Variants in ACTL6A observed in about 807,000 individuals in gnomAD.
The protein encoded by ACTL6A is actin like 6A.
In ACTL6A, 5 loss-of-function variants were observed where a neutral mutation model predicts 59.2. The observed-to-expected ratio is 0.08, with a 90% CI of 0.04 to 0.18. The LOEUF (loss-of-function observed/expected upper bound fraction) is 0.18. ACTL6A is among the 10% of genes least tolerant of loss of function. The pLI is 1.00. For missense variants in ACTL6A, 285 were observed against 526.9 expected (o/e 0.54, Z 4.49); for synonymous variants, 154 against 171.8 (o/e 0.90, Z 0.81).
At position 179,563,498 on chromosome 3, in the gene ACTL6A, T is replaced by G. The variant is rs1322495683; in HGVS notation, c.25+381T>G. Among the ~76,000 whole-genome samples the G allele has an allele frequency of 3.9e-5, 6 of 152,328 alleles. No homozygotes were observed. The East Asian group carries it at 1.2e-3, about 29-fold the overall frequency. ...TCCCCGAGTGCCTCCTGGACTCAGCTGTGTCGGGACGCGTGTGCGCCCGCC... is the reference window on the plus strand; with the variant it reads ...TCCCCGAGTGCCTCCTGGACTCAGCGGTGTCGGGACGCGTGTGCGCCCGCC... On this transcript the variant is annotated intron_variant, in intron 1 of 13. Coordinates refer to ENST00000429709, the MANE Select transcript of ACTL6A (RefSeq NM_004301.5).
chr3:179,572,983 T>TTC (rs1718057126), intron 3 of ACTL6A, among the ~76,000 whole-genome samples: 1 of 48,040 alleles, frequency 2.1e-5, no homozygotes, highest in Non-Finnish European at 7.4e-5. Flanking sequence ...CAATTCTTTC[T>TTC]TTTTTTTTTT....
At chr3:179,586,467 GA>G (rs1169987638) in intron 12 of ACTL6A, 78 bp from the exon 13 acceptor site, 22,481 of 745,508 alleles carry the variant, frequency 0.03, 3 homozygotes, top group Non-Finnish European at 0.035. Flanking sequence ...GTCTCTATTT[GA>G]AAAAAAAAAA....
In ACTL6A at chr3:179,570,060, C is replaced by T. The variant is rs1298268478; in HGVS notation, c.103-7C>T. The T allele has an allele frequency of 2.5e-6, 4 of 1,612,346 alleles. No homozygotes were observed. In the Admixed American group the frequency reaches 5.0e-5, roughly 20 times the overall value. ...AAACTTGTATGTCATGTTTCTGACTCTTACAGGTGGATTTTCCTACAGCTA... is the reference window on the plus strand; with the variant it reads ...AAACTTGTATGTCATGTTTCTGACTTTTACAGGTGGATTTTCCTACAGCTA... On this transcript the variant is annotated splice_region_variant and splice_polypyrimidine_tract_variant and intron_variant, in intron 2 of 13. Transcript: ENST00000429709. This position sits in a 1 kb window ranked among gnomAD's most constrained non-coding sequence, Gnocchi z 4.3.
At chr3:179,585,982 G>A (rs1718477037) in intron 12 of ACTL6A, among the ~76,000 whole-genome samples, 1 of 152,202 alleles carries the variant, frequency 6.6e-6, no homozygotes, top group Non-Finnish European at 1.5e-5. Context: ...TAGAAAGGAA[G>A]CAGTTAGAAG....
chr3:179,587,958 A>G lies in ACTL6A; in HGVS notation c.1238A>G (p.Lys413Arg). Residue 413 changes from lysine to arginine, a missense_variant, in exon 14 of 14, where the codon AAG (lysine) becomes AGG (arginine). Physicochemically the swap from Lys to Arg is conservative, Grantham distance 26 (BLOSUM62 2). Coordinates refer to ENST00000429709, the MANE Select transcript of ACTL6A (RefSeq NM_004301.5). ...ACCTTTCAACAGATGTGGATTTCCA[A>G]GCAAGAATATGAAGAAGGAGGGAAG... ...LGTFQQMWISKQEYEEGGKQC... is the reference protein window; with the variant it reads ...LGTFQQMWISRQEYEEGGKQC... 6.2e-7 allele frequency: 1 copy of G among 1,607,724 alleles called. No individual in the cohort carries two copies. Among genetic ancestry groups the G allele is most frequent in the Non-Finnish European group, 8.5e-7 (1 of 1,178,476 alleles).
chr3:179,567,626 A>G (rs531614040), intron 1 of ACTL6A, among the ~76,000 whole-genome samples: 1 of 152,288 alleles, frequency 6.6e-6, no homozygotes, highest in African/African-American at 2.4e-5. Flanking sequence ...ATATCTCTTT[A>G]CCCAGCATTC....
chr3:179,563,180 C>T, intron 1 of ACTL6A, 63 bp downstream of exon 1: 1 of 1,552,914 alleles, frequency 6.4e-7, no homozygotes. Flanking sequence ...GTAACCGCCG[C>T]TCCCAGCCCT....
intron 1 of ACTL6A, among the ~76,000 whole-genome samples, chr3:179,567,727 TAC>T (rs1301132452): frequency 6.6e-6 from 1 of 152,202 alleles, no homozygotes; most frequent in African/African-American, 2.4e-5. Flanking sequence ...TGAAAACAAA[TAC>T]AGTGTTCTCC....
At chr3:179,583,251 G>A (rs1718387196) in intron 11 of ACTL6A, 102 bp from the exon 12 acceptor site, 27 of 894,642 alleles carry the variant, frequency 3.0e-5, no homozygotes, top group Non-Finnish European at 4.2e-5. Flanking sequence ...TCCAAAAAAC[G>A]AAAGGGAAAT....
chr3:179,576,094 C>T (rs1718158091), intron 5 of ACTL6A, 123 bp from the exon 6 acceptor site: 1 of 681,156 alleles, frequency 1.5e-6, no homozygotes, highest in Non-Finnish European at 2.5e-6. Context: ...CACTGTAATA[C>T]ATTTTTAACT....
chr3:179,562,958 C>G lies in ACTL6A; in HGVS notation c.-135C>G, dbSNP rs1017630187. 2 of 1,199,834 alleles carry G rather than the reference C, an allele frequency of 1.7e-6. No homozygotes were observed. The highest frequency in any genetic ancestry group is 1.5e-5 in the African/African-American group (1 of 66,674). 74.3% of individuals were successfully genotyped at this position (1,199,834 alleles called of 1,614,324 possible). On this transcript the variant is annotated 5_prime_UTR_variant, in exon 1 of 14. Transcript: ENST00000429709. Reference sequence around the variant, plus strand: ...GCTGAGCTCCGGGGTGTGTGGACGCCGCTTTGTTGCCTGAGGTGGGTGGCG... The same window carrying G: ...GCTGAGCTCCGGGGTGTGTGGACGCGGCTTTGTTGCCTGAGGTGGGTGGCG...
rs1288298105 is a variant in ACTL6A at position 179,568,131 on chromosome 3, C to CACTGCACT, written c.26-1692_26-1685dup. Among the ~76,000 whole-genome samples the CACTGCACT allele has an allele frequency of 2.0e-5, 3 of 147,002 alleles. No homozygotes were observed. In the East Asian group the frequency reaches 6.0e-4, roughly 29 times the overall value. ...AGGTTGCAGTGAGCCGAGATCACGC[C>CACTGCACT]ACTGCACTCCAGCCTGGGCAGCAAT... On this transcript the variant is annotated intron_variant, in intron 1 of 13. Coordinates refer to ENST00000429709, the MANE Select transcript of ACTL6A (RefSeq NM_004301.5).
chr3:179,576,435 T>C, intron 6 of ACTL6A, 124 bp downstream of exon 6: 1 of 859,382 alleles, frequency 1.2e-6, no homozygotes, highest in South Asian at 1.9e-5. Context: ...TTTTTTTAAG[T>C]ATGTTAAAAA....
intron 1 of ACTL6A, 161 bp downstream of exon 1, chr3:179,563,278 G>A: frequency 1.1e-5 from 13 of 1,233,816 alleles, no homozygotes; most frequent in Non-Finnish European, 1.4e-5. Context: ...CCCGCCCCCG[G>A]AGCCCACCCG....
At chr3:179,587,854 CA>C (rs534630098) in intron 13 of ACTL6A, 75 bp from the exon 14 acceptor site, 29,718 of 971,442 alleles carry the variant, frequency 0.031, no homozygotes, top group South Asian at 0.039. Flanking sequence ...GACCTTCTCT[CA>C]AAAAAAAAAA....
chr3:179,568,659 A>G (rs1717912260), intron 1 of ACTL6A, among the ~76,000 whole-genome samples: 1 of 151,944 alleles, frequency 6.6e-6, no homozygotes, highest in African/African-American at 2.4e-5. Context: ...ATGTAGATCT[A>G]AAGTGTTCAT....
intron 1 of ACTL6A, among the ~76,000 whole-genome samples, chr3:179,569,533 A>G (rs1296589581): frequency 6.6e-6 from 1 of 152,230 alleles, no homozygotes; most frequent in Non-Finnish European, 1.5e-5. Context: ...AACTAGGTTC[A>G]AGTGAGTAAT....
rs537777930 is a variant in ACTL6A at position 179,572,123 on chromosome 3, G to A, written c.278-1246G>A. The stretch of plus-strand genomic sequence containing the variant: ...CATTTTATTACTCTGAAAAAAATTG[G>A]AACATGAGAAGAGGATTGAAGATGG... On this transcript the variant is annotated intron_variant, in intron 3 of 13. Transcript: ENST00000429709. 7.9e-5 allele frequency among the ~76,000 whole-genome samples: 12 copies of A among 152,236 alleles called. No individual in the cohort carries two copies. In the South Asian group the frequency reaches 2.5e-3, roughly 32 times the overall value.
At chr3:179,586,479 A>G in intron 12 of ACTL6A, 67 bp from the exon 13 acceptor site, 3 of 1,244,068 alleles carry the variant, frequency 2.4e-6, no homozygotes, top group Admixed American at 2.8e-5. Flanking sequence ...AAAAAAAAAA[A>G]AAAAAAAGAA....
Sources: allele counts gnomAD v4.1 joint callset (sites outside exome capture counted in the v4.1 genomes callset), GRCh38; gene constraint gnomAD v4.1.1; non-coding constraint Gnocchi (gnomAD v3.1); transcripts MANE v1.5; gene names NCBI Gene and HGNC (gene_info 2026-07-23, HGNC 2026-07-21).